The following TSHZ2 variants were observed in gnomAD, a reference collection of about 807,000 sequenced individuals.
TSHZ2 encodes the protein teashirt zinc finger homeobox 2.
TSHZ2 carries 21 observed loss-of-function variants against 74.4 expected under a neutral mutation model. The ratio of observed to expected loss-of-function variants is 0.28; its 90% CI spans 0.20 to 0.41. The LOEUF (loss-of-function observed/expected upper bound fraction) is 0.41. Ranked by LOEUF, TSHZ2 falls within the 10% of genes least tolerant of loss-of-function variation. TSHZ2 has a pLI of 1.00. For missense variants in TSHZ2, 1,244 were observed against 1,293.5 expected, an observed-to-expected ratio of 0.96 and a Z score of 0.59; for synonymous variants, 540 against 515.3, an observed-to-expected ratio of 1.05 and a Z score of -0.65.
intron 2 of TSHZ2, among the ~76,000 whole-genome samples, chr20:53,472,190 G>A (rs568221007): frequency 2.6e-5 from 4 of 152,330 alleles, no homozygotes; most frequent in Admixed American, 1.3e-4. Flanking sequence ...TATATGGAAA[G>A]TTATCAGAAG....
At chr20:53,425,462 A>G (rs1983622593) in intron 2 of TSHZ2, among the ~76,000 whole-genome samples, 1 of 152,216 alleles carries the variant, frequency 6.6e-6, no homozygotes, top group Non-Finnish European at 1.5e-5. Flanking sequence ...CTTCTCCAGT[A>G]AACTAAAAAT....
intron 1 of TSHZ2, among the ~76,000 whole-genome samples, chr20:53,130,687 G>A (rs1265526095): frequency 6.6e-6 from 1 of 152,224 alleles, no homozygotes; most frequent in Non-Finnish European, 1.5e-5. Flanking sequence ...TCAGAGGAAT[G>A]TGTATGTTGA....
At chr20:53,315,302 A>C (rs1160445424) in intron 2 of TSHZ2, among the ~76,000 whole-genome samples, 1 of 152,202 alleles carries the variant, frequency 6.6e-6, no homozygotes, top group African/African-American at 2.4e-5. Flanking sequence ...TCCTCTGGGA[A>C]AGGAATAAAA....
intron 1 of TSHZ2, among the ~76,000 whole-genome samples, chr20:53,213,391 A>G (rs1035798206): frequency 5.9e-5 from 9 of 152,182 alleles, no homozygotes; most frequent in South Asian, 2.1e-4. Context: ...CTGCACCTGG[A>G]TGCTTCGTTA....
At chr20:53,404,801 G>A (rs560579007) in intron 2 of TSHZ2, among the ~76,000 whole-genome samples, 47 of 151,736 alleles carry the variant, frequency 3.1e-4, no homozygotes, top group African/African-American at 1.1e-3. Context: ...TTCAATGAAG[G>A]GTTAGAGTCT....
intron 1 of TSHZ2, among the ~76,000 whole-genome samples, chr20:53,098,993 T>G (rs1326604592): frequency 6.6e-6 from 1 of 152,190 alleles, no homozygotes; most frequent in Admixed American, 6.5e-5. Flanking sequence ...GTGATTCCAT[T>G]GCCAATGAGT....
chr20:53,451,022 TTTGGAAAACAGA>T (rs774986608), intron 2 of TSHZ2, among the ~76,000 whole-genome samples: 2 of 152,098 alleles, frequency 1.3e-5, no homozygotes, highest in African/African-American at 2.4e-5. Context: ...AAGTACACAC[TTTGGAAAACAGA>T]TTGGAAAACC....
At chr20:53,086,051 GC>G (rs1362062355) in intron 1 of TSHZ2, among the ~76,000 whole-genome samples, 1 of 152,182 alleles carries the variant, frequency 6.6e-6, no homozygotes, top group East Asian at 1.9e-4. Context: ...TTGCATGGAG[GC>G]CGTGTCTTCT....
chr20:53,429,821 T>TTGTGTGTGTGTGTG (rs145356694), intron 2 of TSHZ2, among the ~76,000 whole-genome samples: 1 of 151,518 alleles, frequency 6.6e-6, no homozygotes, highest in African/African-American at 2.4e-5. Flanking sequence ...GCATATTCAA[T>TTGTGTGTGTGTGTG]TGTGTGTGTG....
At position 52,984,883 on chromosome 20, in the gene TSHZ2, T is replaced by C. The variant is rs1180320603; in HGVS notation, c.40+11550T>C. 3.2e-4 allele frequency among the ~76,000 whole-genome samples: 48 copies of C among 152,238 alleles called. 1 individual carries two copies. Among genetic ancestry groups the C allele is most frequent in the Admixed American group, 3.1e-3 (48 of 15,284 alleles). ...TGAAAAAGAGGCGTCTACTGAAAGC[T>C]GTCCAGGAGAAATCAGACTAGGTTA... On this transcript the variant is annotated intron_variant, in intron 1 of 2. Transcript: ENST00000371497.
At chr20:53,127,509 G>C (rs117964549) in intron 1 of TSHZ2, among the ~76,000 whole-genome samples, 192 of 152,260 alleles carry the variant, frequency 1.3e-3, no homozygotes, top group African/African-American at 4.4e-3. Flanking sequence ...AGCTTGAGAT[G>C]AGCCTAGGCA....
chr20:52,982,129 G>C (rs1981589184), intron 1 of TSHZ2, among the ~76,000 whole-genome samples: 1 of 152,130 alleles, frequency 6.6e-6, no homozygotes, highest in Non-Finnish European at 1.5e-5. Flanking sequence ...TCAGAGGAGG[G>C]GACATCTGGG....
chr20:53,184,455 C>T (rs1383356324), intron 1 of TSHZ2, among the ~76,000 whole-genome samples: 5 of 151,998 alleles, frequency 3.3e-5, no homozygotes, highest in Admixed American at 3.3e-4. Flanking sequence ...TAAAAATAAT[C>T]TTTTTTAAAA....
chr20:52,996,397 A>G (rs974475062), intron 1 of TSHZ2, among the ~76,000 whole-genome samples: 1 of 151,790 alleles, frequency 6.6e-6, no homozygotes, highest in Non-Finnish European at 1.5e-5. Context: ...GAAGATGCTC[A>G]TGATTTTAAA....
intron 2 of TSHZ2, among the ~76,000 whole-genome samples, chr20:53,277,039 A>C (rs1489155844): frequency 6.6e-6 from 1 of 152,208 alleles, no homozygotes; most frequent in Non-Finnish European, 1.5e-5. Flanking sequence ...GAGGCCCAAA[A>C]TCTAGAAAAG....
intron 2 of TSHZ2, among the ~76,000 whole-genome samples, chr20:53,448,069 A>G (rs1984627118): frequency 6.6e-6 from 1 of 151,946 alleles, no homozygotes; most frequent in Non-Finnish European, 1.5e-5. Flanking sequence ...ACCTGCCACC[A>G]TGCCCCGCTA....
chr20:53,291,911 C>T (rs1991285107), intron 2 of TSHZ2, among the ~76,000 whole-genome samples: 1 of 150,984 alleles, frequency 6.6e-6, no homozygotes, highest in South Asian at 2.1e-4. Flanking sequence ...TATTGGGATA[C>T]TGACACCATG....
intron 2 of TSHZ2, among the ~76,000 whole-genome samples, chr20:53,359,851 T>C (rs1478630745): frequency 6.6e-6 from 1 of 152,198 alleles, no homozygotes; most frequent in Non-Finnish European, 1.5e-5. Flanking sequence ...ATCACACCGA[T>C]GGTGAGCAAC....
intron 1 of TSHZ2, among the ~76,000 whole-genome samples, chr20:53,170,699 A>AT (rs959519176): frequency 6.6e-6 from 1 of 152,230 alleles, no homozygotes; most frequent in African/African-American, 2.4e-5. Flanking sequence ...GTATGAAAAA[A>AT]GGTTTCTAAT....
Sources: gnomAD v4.1 joint callset for allele counts (sites outside exome capture counted in the v4.1 genomes callset) on GRCh38, gnomAD v4.1.1 for gene constraint, MANE v1.5 for transcripts, NCBI Gene and HGNC (gene_info 2026-07-23, HGNC 2026-07-21) for gene names.